The following SEC24D variants were observed in gnomAD, a reference collection of about 807,000 sequenced individuals.
SEC24D encodes the protein protein transport protein Sec24D.
In SEC24D, 69 loss-of-function variants were observed where a neutral mutation model predicts 116.9. That is an observed-to-expected ratio of 0.59 (90% CI 0.49 to 0.72). The LOEUF is 0.72. Among genes scored for constraint, SEC24D ranks in the 30% least tolerant of loss-of-function variants. The pLI, the probability that SEC24D is intolerant of heterozygous loss-of-function variation, is 0.00. For synonymous variants in SEC24D, 405 were observed against 442.8 expected (o/e 0.91, Z 1.07); for missense variants, 1,131 against 1,264.1 (o/e 0.89, Z 1.60).
chr4:118,773,818 G>A (rs1728017649), intron 8 of SEC24D, among the ~76,000 whole-genome samples: 1 of 152,118 alleles, frequency 6.6e-6, no homozygotes, highest in Admixed American at 6.6e-5. Flanking sequence ...TAGCTTTACT[G>A]TATATGACAT....
intron 10 of SEC24D, among the ~76,000 whole-genome samples, chr4:118,762,597 A>G (rs1481838849): frequency 6.6e-6 from 1 of 152,210 alleles, no homozygotes; most frequent in Non-Finnish European, 1.5e-5. Flanking sequence ...TGCATGGTGT[A>G]AAAAATACAT....
intron 8 of SEC24D, among the ~76,000 whole-genome samples, chr4:118,796,098 A>G (rs1729167392): frequency 6.6e-6 from 1 of 152,226 alleles, no homozygotes; most frequent in African/African-American, 2.4e-5. Flanking sequence ...ATATGTGACA[A>G]AACAAGTGTA....
chr4:118,745,924 C>T (rs1726498818), intron 13 of SEC24D, among the ~76,000 whole-genome samples: 1 of 152,044 alleles, frequency 6.6e-6, no homozygotes, highest in African/African-American at 2.4e-5. Context: ...GCCTGTAATC[C>T]CAACACCTTG....
chr4:118,759,133 T>C (rs1727247841), intron 10 of SEC24D, among the ~76,000 whole-genome samples: 1 of 152,246 alleles, frequency 6.6e-6, no homozygotes, highest in Non-Finnish European at 1.5e-5. Flanking sequence ...TGCACATTTC[T>C]ACAGAAATGC....
Position 118,723,595 on chromosome 4 carries a change from C to T in SEC24D, c.3019G>A (p.Asp1007Asn). ...EMVFRQFLVE[D>N]KGLYGGSSYV... Reference sequence around the variant, plus strand: ...GAAGAGCCTCCGTAAAGTCCTTTGTCTTCTACCAGGAACTGTCGGAAAACC... The same window carrying T: ...GAAGAGCCTCCGTAAAGTCCTTTGTTTTCTACCAGGAACTGTCGGAAAACC... The change falls in exon 23 of 23, where the codon GAC becomes AAC. Residue 1007 changes from aspartate to asparagine, a missense_variant. Asp to Asn is a conservative substitution (Grantham distance 23). Coordinates refer to ENST00000280551, the MANE Select transcript of SEC24D (RefSeq NM_014822.4). 1 of 1,613,810 alleles carries T rather than the reference C, an allele frequency of 6.2e-7. No homozygotes were observed. The highest frequency in any genetic ancestry group is 2.2e-5 in the East Asian group (1 of 44,862).
At chr4:118,801,261 CAAAAA>C (rs773053407) in intron 7 of SEC24D, among the ~76,000 whole-genome samples, 1 of 100,466 alleles carries the variant, frequency 1.0e-5, no homozygotes, top group Non-Finnish European at 2.1e-5. Context: ...GACTCCATCT[CAAAAA>C]AAAAAAAAAA....
intron 10 of SEC24D, 150 bp downstream of exon 10, chr4:118,764,652 G>A: frequency 3.8e-6 from 2 of 520,612 alleles, no homozygotes; most frequent in Non-Finnish European, 6.8e-6. Context: ...CAACCTAGGA[G>A]ATGGGATCTG....
intron 19 of SEC24D, chr4:118,736,464 CT>C: frequency 1.5e-5 from 3 of 200,994 alleles, no homozygotes; most frequent in Middle Eastern, 9.6e-4. Context: ...CAGATAGCTC[CT>C]TGATGGTCTT....
At chr4:118,793,138 A>C (rs1729006705) in intron 8 of SEC24D, among the ~76,000 whole-genome samples, 1 of 152,164 alleles carries the variant, frequency 6.6e-6, no homozygotes, top group African/African-American at 2.4e-5. Context: ...AAATTAGACC[A>C]GGACGGTGTC....
intron 8 of SEC24D, among the ~76,000 whole-genome samples, chr4:118,796,000 AT>A (rs1394552534): frequency 1.3e-5 from 2 of 152,212 alleles, no homozygotes; most frequent in African/African-American, 4.8e-5. Flanking sequence ...AGTATTTAGT[AT>A]TTAGTATTAA....
intron 21 of SEC24D, chr4:118,730,175 G>C (rs1431481608): frequency 6.6e-6 from 1 of 152,108 alleles, no homozygotes; most frequent in Non-Finnish European, 1.5e-5. Context: ...TATTACAAGA[G>C]GAAGCTTCCT....
At chr4:118,758,501 C>T (rs975314717) in intron 10 of SEC24D, 2 of 152,070 alleles carry the variant, frequency 1.3e-5, no homozygotes, top group Admixed American at 6.6e-5. Flanking sequence ...GCAGCTGCTA[C>T]GAACATGTTT....
At chr4:118,800,844 C>T (rs1456947973) in intron 7 of SEC24D, among the ~76,000 whole-genome samples, 3 of 152,126 alleles carry the variant, frequency 2.0e-5, no homozygotes, top group Non-Finnish European at 4.4e-5. Context: ...GGCATTAGAA[C>T]CAATTATAAA....
intron 8 of SEC24D, among the ~76,000 whole-genome samples, chr4:118,785,497 G>A (rs1728629067): frequency 6.6e-6 from 1 of 152,126 alleles, no homozygotes; most frequent in African/African-American, 2.4e-5. Flanking sequence ...TGGGGCTTGG[G>A]AAGTATCCCA....
intron 19 of SEC24D, among the ~76,000 whole-genome samples, chr4:118,734,005 T>C (rs183381430): frequency 1.4e-4 from 21 of 151,852 alleles, no homozygotes; most frequent in African/African-American, 4.4e-4. Context: ...GTGTCCTATA[T>C]TGTTTAACTT....
chr4:118,831,915 C>T (rs1730875697), intron 2 of SEC24D, among the ~76,000 whole-genome samples: 2 of 151,918 alleles, frequency 1.3e-5, no homozygotes, highest in African/African-American at 4.8e-5. Flanking sequence ...AGAAAGCAAC[C>T]CAAAAAAATG....
At chr4:118,821,160 T>C (rs1730384768) in intron 3 of SEC24D, among the ~76,000 whole-genome samples, 1 of 152,188 alleles carries the variant, frequency 6.6e-6, no homozygotes. Flanking sequence ...CTAGCATCGT[T>C]CTCCACACTA....
At chr4:118,832,477 G>C (rs1730903275) in intron 2 of SEC24D, among the ~76,000 whole-genome samples, 2 of 152,150 alleles carry the variant, frequency 1.3e-5, no homozygotes, top group African/African-American at 2.4e-5. Flanking sequence ...AGATTACCAA[G>C]CATAGTGAGT....
chr4:118,741,101 C>T, intron 15 of SEC24D, 64 bp from the exon 16 acceptor site: 1 of 758,480 alleles, frequency 1.3e-6, no homozygotes, highest in Non-Finnish European at 2.1e-6. Flanking sequence ...ATAACGTTCT[C>T]ATTTTAATCC....
Sources: gnomAD v4.1 joint callset for allele counts (sites outside exome capture counted in the v4.1 genomes callset) on GRCh38, gnomAD v4.1.1 for gene constraint, MANE v1.5 for transcripts, NCBI Gene and HGNC (gene_info 2026-07-23, HGNC 2026-07-21) for gene names.